The following RNF138 variants were observed in gnomAD, a reference collection of about 807,000 sequenced individuals.
The protein encoded by RNF138 is E3 ubiquitin-protein ligase RNF138.
Under a neutral mutation model 31.0 loss-of-function variants are expected in RNF138, and 12 were observed. The observed-to-expected ratio is 0.39, with a 90% CI of 0.25 to 0.63. The LOEUF (loss-of-function observed/expected upper bound fraction) is 0.63. Ranked by LOEUF, RNF138 falls within the 20% of genes least tolerant of loss-of-function variation. The probability of loss-of-function intolerance (pLI) is 0.52; values close to 1 mark genes in which losing one functional copy is unlikely to be tolerated. For missense variants in RNF138, 192 were observed against 300.1 expected, an observed-to-expected ratio of 0.64 and a Z score of 2.66; for synonymous variants, 105 against 99.5, an observed-to-expected ratio of 1.06 and a Z score of -0.33.
intron 2 of RNF138, among the ~76,000 whole-genome samples, chr18:32,107,779 A>G (rs1007876443): frequency 3.2e-4 from 48 of 151,612 alleles, no homozygotes; most frequent in Admixed American, 1.3e-4. Flanking sequence ...AGCCTCCCAA[A>G]GTGCTGGGAT....
rs1409043000 is a variant in RNF138 at position 32,129,258 on chromosome 18, C to T, written c.*71C>T. ...TAAGGGGGAAACTACATGAAGTCAC[C>T]GTTACAGTAACTTGATGTGTATATT... On this transcript the variant is annotated 3_prime_UTR_variant, in exon 8 of 8. Transcript: ENST00000261593. The T allele has an allele frequency of 3.4e-5, 33 of 972,832 alleles. No individual in the cohort carries two copies. In the Middle Eastern group the frequency reaches 9.2e-4, roughly 27 times the overall value. 60.3% of individuals were successfully genotyped at this position (972,832 alleles called of 1,614,324 possible).
Position 32,092,849 on chromosome 18 carries a change from C to T in RNF138, c.73C>T (p.Leu25Phe). Residue 25 changes from leucine (L) to phenylalanine (F), a missense_variant, in exon 2 of 8, where the codon CTC (leucine) becomes TTC (phenylalanine). This residue lies in a region of RNF138 where 52 missense variants were observed against 48.4 expected (regional missense o/e 1.07). Coordinates refer to ENST00000261593, the MANE Select transcript of RNF138 (RefSeq NM_016271.5). ...CTACTGCCCCGTCTGTCAGGAGGTG[C>T]TCAAAACGCCCGTGCGGACCACGGC... ...DFYCPVCQEV[L>F]KTPVRTTACQ... is the part of the protein sequence containing the mutation. The T allele has an allele frequency of 6.3e-7, 1 of 1,592,384 alleles. No individual in the cohort carries two copies. Among genetic ancestry groups the T allele is most frequent in the Non-Finnish European group, 8.5e-7 (1 of 1,172,298 alleles).
chr18:32,104,589 G>A (rs1031733598), intron 2 of RNF138, among the ~76,000 whole-genome samples: 7 of 152,072 alleles, frequency 4.6e-5, no homozygotes, highest in African/African-American at 1.7e-4. Flanking sequence ...TTTGATGCAA[G>A]AACAGACAAA....
At chr18:32,111,456 T>G (rs552101838) in intron 2 of RNF138, among the ~76,000 whole-genome samples, 1 of 152,360 alleles carries the variant, frequency 6.6e-6, no homozygotes, top group East Asian at 1.9e-4. Flanking sequence ...CTTTGTACCA[T>G]GCTTCCTCTA....
intron 1 of RNF138, 132 bp from the exon 2 acceptor site, chr18:32,092,568 G>T: frequency 5.4e-6 from 3 of 559,356 alleles, no homozygotes; most frequent in Admixed American, 3.1e-5. Flanking sequence ...GCCGTGGGAG[G>T]GGTCGCCTCT....
intron 5 of RNF138, chr18:32,124,125 G>C (rs575785583): frequency 6.5e-6 from 1 of 152,702 alleles, no homozygotes; most frequent in Non-Finnish European, 1.5e-5. Flanking sequence ...CACGATTCAG[G>C]TAAAGTTGTC....
intron 2 of RNF138, 22 bp from the exon 3 acceptor site, chr18:32,111,732 T>C (rs2040135053): frequency 6.3e-7 from 1 of 1,593,070 alleles, no homozygotes; most frequent in South Asian, 1.1e-5. Flanking sequence ...TTGTAATTAA[T>C]GTGTCACAAT....
chr18:32,100,169 C>T (rs1253626808), intron 2 of RNF138, among the ~76,000 whole-genome samples: 2 of 151,678 alleles, frequency 1.3e-5, no homozygotes, highest in African/African-American at 4.9e-5. Context: ...GATAGGATCC[C>T]TGCCCTCTTG....
rs570988515 is a variant in RNF138 at position 32,102,103 on chromosome 18, A to C, written c.110+9217A>C. 4.0e-5 allele frequency among the ~76,000 whole-genome samples: 6 copies of C among 149,224 alleles called. No individual in the cohort carries two copies. The South Asian group carries it at 1.3e-3, about 32-fold the overall frequency. ...TCGCTGTGTTACCCAGAATGGCCTC[A>C]AACTCCTGGACTCAAGTGATGCTCT... is the stretch of plus-strand genomic sequence containing the variant. On this transcript the variant is annotated intron_variant, in intron 2 of 7. Transcript: ENST00000261593.
chr18:32,092,934 C>T, intron 2 of RNF138, 48 bp downstream of exon 2: 2 of 1,156,838 alleles, frequency 1.7e-6, no homozygotes, highest in Non-Finnish European at 2.4e-6. Context: ...GTCGCTTAGG[C>T]CCGGCCTCCG....
At chr18:32,122,429 G>A (rs2040321264) in intron 4 of RNF138, 1 of 152,042 alleles carries the variant, frequency 6.6e-6, no homozygotes, top group African/African-American at 2.4e-5. Context: ...CTCTGGCATT[G>A]AGATATAGAA....
chr18:32,121,442 C>T (rs2040304025), intron 4 of RNF138, among the ~76,000 whole-genome samples: 1 of 152,144 alleles, frequency 6.6e-6, no homozygotes, highest in African/African-American at 2.4e-5. Flanking sequence ...TTGTGGTGAG[C>T]CGCGGTCGCG....
chr18:32,113,180 C>T (rs753047212), intron 3 of RNF138, among the ~76,000 whole-genome samples: 25 of 152,094 alleles, frequency 1.6e-4, no homozygotes, highest in Non-Finnish European at 3.1e-4. Context: ...TCTAAGCAAT[C>T]CTCCTGCCTC....
At position 32,130,168 on chromosome 18, in the gene RNF138, A is replaced by G. The variant is rs1473959051; in HGVS notation, c.*981A>G. 1 of 152,406 alleles carries G rather than the reference A, an allele frequency of 6.6e-6. No individual in the cohort carries two copies. Among genetic ancestry groups the G allele is most frequent in the African/African-American group, 2.4e-5 (1 of 41,428 alleles). The allele number at this position is 152,406 out of a possible 1,614,324, so 9.4% of individuals were successfully genotyped here. On this transcript the variant is annotated 3_prime_UTR_variant, in exon 8 of 8. Coordinates refer to ENST00000261593, the MANE Select transcript of RNF138 (RefSeq NM_016271.5). ...AGAATTTCTATTAAGGATTTTTTAA[A>G]TGGACAAGCAATAGGGGGTTGAAGT...
At chr18:32,107,859 T>A (rs114898997) in intron 2 of RNF138, among the ~76,000 whole-genome samples, 4,371 of 151,914 alleles carry the variant, frequency 0.029, 219 homozygotes, top group African/African-American at 0.1. Context: ...ACTACCCTTG[T>A]TTAAAGGGTA....
chr18:32,100,468 CTTTTTTT>C (rs754111567), intron 2 of RNF138, among the ~76,000 whole-genome samples: 11 of 69,886 alleles, frequency 1.6e-4, no homozygotes, highest in South Asian at 1.3e-3. Context: ...ACCCAACTAA[CTTTTTTT>C]TTTTTTTTTT....
Position 32,129,831 on chromosome 18 carries a change from A to G in RNF138, c.*644A>G, listed in dbSNP as rs980841617. 24 of 152,612 alleles carry G rather than the reference A, an allele frequency of 1.6e-4. No homozygotes were observed. The highest frequency in any genetic ancestry group is 6.8e-3 in the Middle Eastern group (2 of 292). 9.5% of individuals were successfully genotyped at this position (152,612 alleles called of 1,614,324 possible). A position where few individuals can be genotyped will look rare whatever the true frequency, so the allele number is the denominator to read the frequency against. The stretch of plus-strand genomic sequence containing the variant: ...CTTTTTGTTATTAGAAGGAAATACA[A>G]AGAGAAAAATTTCTTTCTTTCATGG... On this transcript the variant is annotated 3_prime_UTR_variant, in exon 8 of 8. Coordinates refer to ENST00000261593, the MANE Select transcript of RNF138 (RefSeq NM_016271.5).
At chr18:32,109,805 G>C (rs1433827236) in intron 2 of RNF138, among the ~76,000 whole-genome samples, 2 of 152,098 alleles carry the variant, frequency 1.3e-5, no homozygotes, top group African/African-American at 4.8e-5. Context: ...AAAATTACTT[G>C]AGCCCTGGAG....
At chr18:32,126,634 A>C in intron 6 of RNF138, 59 bp from the exon 7 acceptor site, 1 of 1,044,392 alleles carries the variant, frequency 9.6e-7, no homozygotes, top group Non-Finnish European at 1.4e-6. Flanking sequence ...AATACTGTCA[A>C]TTGTATAATA....
Sources: gnomAD v4.1 joint callset for allele counts (sites outside exome capture counted in the v4.1 genomes callset) on GRCh38, gnomAD v4.1.1 for gene constraint, gnomAD v4.1.1 regional missense constraint, MANE v1.5 for transcripts, NCBI Gene and HGNC (gene_info 2026-07-23, HGNC 2026-07-21) for gene names.